MARCO: variants seen among roughly 807,000 people sequenced by gnomAD.
MARCO encodes macrophage receptor MARCO.
In MARCO, 72 loss-of-function variants were observed where a neutral mutation model predicts 70.0. The ratio of observed to expected loss-of-function variants is 1.03; its 90% CI spans 0.85 to 1.25. The LOEUF (loss-of-function observed/expected upper bound fraction) is 1.25, where lower values mean the gene tolerates loss of function less well. MARCO is among the 50% of genes most tolerant of loss of function. The pLI is 0.00. For missense variants in MARCO, 696 were observed against 659.3 expected (o/e 1.06, Z -0.61); for synonymous variants, 273 against 243.1 (o/e 1.12, Z -1.14).
chr2:118,986,586 G>GAAGAAAGAAAGAAAGAAAGAAGGA lies in MARCO; in HGVS notation c.1064-3982_1064-3981insGGAAAGAAAGAAAGAAAGAAAGAA, dbSNP rs1680489611. ...GGAGGGAGGGAGGGAGGGAAGGAAA[G>GAAGAAAGAAAGAAAGAAAGAAGGA]AAGAAAGAAAGAAAGAAAGAAAGAA... On this transcript the variant is annotated intron_variant, in intron 12 of 16. Coordinates refer to ENST00000327097, the MANE Select transcript of MARCO (RefSeq NM_006770.4). Among the ~76,000 whole-genome samples, 12 of 46,664 alleles carry GAAGAAAGAAAGAAAGAAAGAAGGA rather than the reference G, an allele frequency of 2.6e-4. 1 individual carries two copies. The highest frequency in any genetic ancestry group is 3.3e-4 in the Non-Finnish European group (9 of 27,188). The allele number at this position is 46,664 out of a possible 152,430, so 30.6% of individuals were successfully genotyped here.
intron 1 of MARCO, among the ~76,000 whole-genome samples, chr2:118,951,450 CT>C (rs1352493563): frequency 6.6e-6 from 1 of 152,234 alleles, no homozygotes; most frequent in Non-Finnish European, 1.5e-5. Flanking sequence ...GTTTGTTTGA[CT>C]TAGGTTAGTT....
intron 14 of MARCO, 122 bp downstream of exon 14, chr2:118,991,997 G>A: frequency 1.3e-6 from 1 of 752,750 alleles, no homozygotes; most frequent in South Asian, 1.7e-5. Flanking sequence ...CAGGAGGGTA[G>A]AGGTTTATTT....
At chr2:118,981,329 G>C (rs1680383822) in intron 8 of MARCO, 80 bp from the exon 9 acceptor site, 2 of 896,236 alleles carry the variant, frequency 2.2e-6, no homozygotes, top group South Asian at 3.1e-5. Flanking sequence ...GATTTCAGTG[G>C]AATGGGAAGT....
At chr2:118,988,756 C>T (rs1680562029) in intron 12 of MARCO, among the ~76,000 whole-genome samples, 1 of 152,052 alleles carries the variant, frequency 6.6e-6, no homozygotes, top group African/African-American at 2.4e-5. Context: ...TCAGCTAAGC[C>T]CTTCAGGTCA....
rs1573412140 is a variant in MARCO at position 118,991,877 on chromosome 2, T to G, written c.1207+2T>G. 6.3e-7 allele frequency: 1 copy of G among 1,586,780 alleles called. No individual in the cohort carries two copies. ...AGAAGGGAGACCAGGGAGTGAAAGGTAAGGCCTCTGCATCTGATTCCTTTG... is the reference window on the plus strand; with the variant it reads ...AGAAGGGAGACCAGGGAGTGAAAGGGAAGGCCTCTGCATCTGATTCCTTTG... On this transcript the variant is annotated splice_donor_variant, in intron 14 of 16. Transcript: ENST00000327097. LOFTEE classifies it high-confidence loss of function.
At chr2:118,989,510 A>G (rs1680582102) in intron 12 of MARCO, among the ~76,000 whole-genome samples, 1 of 152,144 alleles carries the variant, frequency 6.6e-6, no homozygotes, top group African/African-American at 2.4e-5. Flanking sequence ...GGGATCTGAA[A>G]TGCCCCCAGA....
chr2:118,973,316 T>G (rs60992697), intron 4 of MARCO, among the ~76,000 whole-genome samples: 21,353 of 151,860 alleles, frequency 0.14, 2,132 homozygotes, highest in East Asian at 0.48. Context: ...TATAGATGTA[T>G]GTACATAGAG....
At chr2:118,980,786 T>C (rs1274909131) in intron 8 of MARCO, among the ~76,000 whole-genome samples, 3 of 151,930 alleles carry the variant, frequency 2.0e-5, no homozygotes, top group Non-Finnish European at 2.9e-5. Flanking sequence ...ACCAAAGAAG[T>C]CACAGAGCCC....
At chr2:118,946,408 A>G (rs1005377394) in intron 1 of MARCO, among the ~76,000 whole-genome samples, 2 of 152,218 alleles carry the variant, frequency 1.3e-5, no homozygotes, top group Admixed American at 6.5e-5. Context: ...GGAATGTTAC[A>G]TAAAGAAATT....
chr2:118,994,435 G>T lies in MARCO; in HGVS notation c.1478G>T (p.Ser493Ile). The change falls in exon 17 of 17, where the codon AGT (serine) becomes ATT (isoleucine). Residue 493 changes from serine (S) to isoleucine (I), a missense_variant. This residue lies in a region of MARCO where 58 missense variants were observed against 62.1 expected (regional missense o/e 0.93). Transcript: ENST00000327097. ...AATGTTCAGTGTCGGGGCACGGAGAGTACCCTGTGGAGCTGCACCAAGAAT... is the reference window on the plus strand; with the variant it reads ...AATGTTCAGTGTCGGGGCACGGAGATTACCCTGTGGAGCTGCACCAAGAAT... ...LDNVQCRGTE[S>I]TLWSCTKNSW... The T allele has an allele frequency of 1.9e-6, 3 of 1,614,134 alleles. No homozygotes were observed. Among genetic ancestry groups the T allele is most frequent in the Non-Finnish European group, 2.5e-6 (3 of 1,180,000 alleles).
At chr2:118,957,776 G>A (rs576139601) in intron 1 of MARCO, among the ~76,000 whole-genome samples, 1 of 150,744 alleles carries the variant, frequency 6.6e-6, no homozygotes, top group Non-Finnish European at 1.5e-5. Flanking sequence ...ACTAGTTATG[G>A]TGGATATCAT....
intron 6 of MARCO, among the ~76,000 whole-genome samples, chr2:118,977,117 T>C (rs1239749186): frequency 1.3e-5 from 2 of 152,144 alleles, no homozygotes; most frequent in African/African-American, 4.8e-5. Context: ...ATTAATCTCT[T>C]CATAAGAGAT....
At position 118,943,265 on chromosome 2, in the gene MARCO, T is replaced by C. The variant is rs1457065195; in HGVS notation, c.97+868T>C. ...CGCACAAAGATGAAGCGTCTGGGGC[T>C]CTGCCTCTAGGAATTTACAGTGTAA... On this transcript the variant is annotated intron_variant, in intron 1 of 16. Coordinates refer to ENST00000327097, the MANE Select transcript of MARCO (RefSeq NM_006770.4). Among the ~76,000 whole-genome samples, 3 of 152,332 alleles carry C rather than the reference T, an allele frequency of 2.0e-5. No homozygotes were observed. In the East Asian group the frequency reaches 5.8e-4, roughly 29 times the overall value.
At chr2:118,990,505 A>G in intron 12 of MARCO, 84 bp from the exon 13 acceptor site, 1 of 1,321,600 alleles carries the variant, frequency 7.6e-7, no homozygotes, top group Middle Eastern at 1.8e-4. Context: ...ATCAGACAAA[A>G]GGTAGAGGTT....
chr2:118,954,381 C>G (rs926268424), intron 1 of MARCO, among the ~76,000 whole-genome samples: 9 of 152,178 alleles, frequency 5.9e-5, no homozygotes, highest in Non-Finnish European at 1.0e-4. Context: ...ACCTGGGAAT[C>G]TCACCCCTAT....
intron 12 of MARCO, among the ~76,000 whole-genome samples, chr2:118,982,821 G>A (rs573267427): frequency 6.6e-6 from 1 of 152,164 alleles, no homozygotes; most frequent in South Asian, 2.1e-4. Flanking sequence ...CATTTTCCTA[G>A]GGGGGCAGCC....
At chr2:118,952,319 C>T (rs1005434448) in intron 1 of MARCO, among the ~76,000 whole-genome samples, 4 of 152,154 alleles carry the variant, frequency 2.6e-5, no homozygotes, top group Non-Finnish European at 5.9e-5. Context: ...GTCCCTTGCA[C>T]ACTTCCCACT....
chr2:118,966,092 C>A (rs1680042275), intron 1 of MARCO, among the ~76,000 whole-genome samples: 1 of 151,512 alleles, frequency 6.6e-6, no homozygotes, highest in South Asian at 2.1e-4. Flanking sequence ...ACCCTACCAG[C>A]ACTGCCTGCT....
intron 1 of MARCO, among the ~76,000 whole-genome samples, chr2:118,966,747 A>G (rs925588551): frequency 6.6e-6 from 1 of 152,308 alleles, no homozygotes; most frequent in South Asian, 2.1e-4. Context: ...GTGTCTCTGA[A>G]GCACAATTTA....
Sources: gnomAD v4.1 joint callset for allele counts (sites outside exome capture counted in the v4.1 genomes callset) on GRCh38, gnomAD v4.1.1 for gene constraint, gnomAD v4.1.1 regional missense constraint, MANE v1.5 for transcripts, NCBI Gene and HGNC (gene_info 2026-07-23, HGNC 2026-07-21) for gene names.